Variants in XCR1 observed in about 807,000 individuals in gnomAD.
XCR1 encodes chemokine XC receptor 1.
For synonymous variants in XCR1, 187 were observed against 188.5 expected, an observed-to-expected ratio of 0.99 and a Z score of 0.06; for missense variants, 356 against 424.2, an observed-to-expected ratio of 0.84 and a Z score of 1.41.
At chr3:46,084,004 G>C (rs1698426546) in intron 1 of XCR1, among the ~76,000 whole-genome samples, 1 of 152,136 alleles carries the variant, frequency 6.6e-6, no homozygotes, top group Non-Finnish European at 1.5e-5. Flanking sequence ...TCCAATTAAT[G>C]CTAGATATCT....
At chr3:46,061,895 C>T (rs1391675781) in intron 4 of XCR1, among the ~76,000 whole-genome samples, 1 of 152,100 alleles carries the variant, frequency 6.6e-6, no homozygotes, top group Admixed American at 6.5e-5. Flanking sequence ...CAGCTAGGTC[C>T]AGCACTGTGG....
At chr3:46,058,328 G>A in intron 4 of XCR1, among the ~76,000 whole-genome samples, 1 of 152,150 alleles carries the variant, frequency 6.6e-6, no homozygotes, top group East Asian at 1.9e-4. Flanking sequence ...GGTTGCTCCT[G>A]ACTATGTTAG....
At chr3:46,053,646 C>G (rs528623947) in intron 5 of XCR1, among the ~76,000 whole-genome samples, 27 of 152,234 alleles carry the variant, frequency 1.8e-4, no homozygotes, top group African/African-American at 6.0e-4. Flanking sequence ...TTTGATGAAC[C>G]TGTTTTAATC....
chr3:46,066,109 A>G (rs34766614), intron 4 of XCR1, among the ~76,000 whole-genome samples: 13,707 of 152,180 alleles, frequency 0.09, 1,004 homozygotes, highest in South Asian at 0.34. Flanking sequence ...GTGTGTTGTG[A>G]TGCAGCAAGA....
At chr3:46,069,973 T>A (rs1413170236) in intron 3 of XCR1, among the ~76,000 whole-genome samples, 1 of 152,012 alleles carries the variant, frequency 6.6e-6, no homozygotes, top group Non-Finnish European at 1.5e-5. Context: ...TTTTGTTGTA[T>A]CCCAGAGGTT....
At chr3:46,036,188 T>C (rs1453172213) in intron 5 of XCR1, among the ~76,000 whole-genome samples, 1 of 152,276 alleles carries the variant, frequency 6.6e-6, no homozygotes, top group African/African-American at 2.4e-5. Context: ...CAGGCTTTTA[T>C]GTTGCTGTTC....
At chr3:46,052,033 C>CAAAAA (rs1331386537) in intron 5 of XCR1, among the ~76,000 whole-genome samples, 3 of 118,810 alleles carry the variant, frequency 2.5e-5, no homozygotes, top group African/African-American at 1.2e-4. Flanking sequence ...CTCAAAAAAA[C>CAAAAA]AAAAACAAAA....
At chr3:46,057,886 A>G (rs60428627) in intron 4 of XCR1, among the ~76,000 whole-genome samples, 12,775 of 48,078 alleles carry the variant, frequency 0.27, 725 homozygotes, top group African/African-American at 0.45. Flanking sequence ...CTGTCTGTCT[A>G]TCTATCTATC....
chr3:46,063,645 C>G (rs773629585), intron 4 of XCR1, among the ~76,000 whole-genome samples: 6 of 152,124 alleles, frequency 3.9e-5, no homozygotes, highest in Non-Finnish European at 8.8e-5. Flanking sequence ...TGTCCTTATG[C>G]CACCTGCCCA....
intron 3 of XCR1, among the ~76,000 whole-genome samples, chr3:46,070,094 T>C (rs1353393980): frequency 2.6e-5 from 4 of 152,124 alleles, no homozygotes; most frequent in Non-Finnish European, 4.4e-5. Flanking sequence ...TTTTATAGTT[T>C]CCAGAGTTCT....
At chr3:46,028,025 A>G (rs1261835949), upstream of XCR1, among the ~76,000 whole-genome samples, 1 of 152,186 alleles carries the variant, frequency 6.6e-6, no homozygotes, top group Non-Finnish European at 1.5e-5. Context: ...AAGCCTACCC[A>G]TAAACCAATC....
intron 1 of XCR1, among the ~76,000 whole-genome samples, chr3:46,080,318 T>C (rs1430914084): frequency 6.6e-6 from 1 of 152,208 alleles, no homozygotes. Flanking sequence ...GGCAATCATT[T>C]CACTGACAAT....
intron 1 of XCR1, among the ~76,000 whole-genome samples, chr3:46,083,626 C>T (rs759151556): frequency 1.3e-5 from 2 of 152,130 alleles, no homozygotes; most frequent in Non-Finnish European, 2.9e-5. Flanking sequence ...CCTTCTAAAA[C>T]CCTAGGAAAC....
chr3:46,031,118 A>AC (rs144543783), upstream of XCR1, among the ~76,000 whole-genome samples: 15,424 of 152,202 alleles, frequency 0.1, 2,648 homozygotes, highest in African/African-American at 0.35. Flanking sequence ...TTGGTGGGAC[A>AC]CGGAACTCCC....
chr3:46,066,077 G>C (rs1698064177), intron 4 of XCR1, among the ~76,000 whole-genome samples: 1 of 152,136 alleles, frequency 6.6e-6, no homozygotes, highest in Non-Finnish European at 1.5e-5. Flanking sequence ...CTGGTGGAGG[G>C]AGCGAGGGTA....
chr3:46,085,541 TC>T (rs1255257799), intron 1 of XCR1, among the ~76,000 whole-genome samples: 1 of 152,184 alleles, frequency 6.6e-6, no homozygotes, highest in Non-Finnish European at 1.5e-5. Flanking sequence ...ACAGCAAATT[TC>T]TTGAAAGAAT....
Position 46,079,966 on chromosome 3 carries a change from C to T in XCR1, c.-514-3040G>A, listed in dbSNP as rs115192515. On this transcript the variant is annotated intron_variant, in intron 1 of 5. Transcript: ENST00000683768. ...AGATCCACACTTTAGCCAAGTCTCT[C>T]TGTGATGCCATTTCCTGGGTCTTTC... Among the ~76,000 whole-genome samples, 796 of 152,244 alleles carry T rather than the reference C, an allele frequency of 5.2e-3. 4 individuals are homozygous for T. Among genetic ancestry groups the T allele is most frequent in the Non-Finnish European group, 9.0e-3 (609 of 68,022 alleles).
At chr3:46,045,966 A>G (rs564987297) in intron 5 of XCR1, among the ~76,000 whole-genome samples, 1 of 152,368 alleles carries the variant, frequency 6.6e-6, no homozygotes, top group African/African-American at 2.4e-5. Context: ...GAATCAATCT[A>G]AGTGTCCATC....
At chr3:46,035,869 G>A (rs1305508888) in intron 5 of XCR1, among the ~76,000 whole-genome samples, 1 of 152,090 alleles carries the variant, frequency 6.6e-6, no homozygotes, top group South Asian at 2.1e-4. Context: ...AGGCAAGTGA[G>A]TGTCTTTTGT....
Sources: gnomAD v4.1 joint callset for allele counts (sites outside exome capture counted in the v4.1 genomes callset) on GRCh38, gnomAD v4.1.1 for gene constraint, MANE v1.5 for transcripts, NCBI Gene and HGNC (gene_info 2026-07-23, HGNC 2026-07-21) for gene names.